Variants in DGKB observed in about 807,000 individuals in gnomAD.
The protein encoded by DGKB is diacylglycerol kinase beta, also known as 90 kDa diacylglycerol kinase.
A neutral mutation model predicts 114.3 loss-of-function variants in DGKB; 67 were observed. That is an observed-to-expected ratio of 0.59 (90% confidence interval 0.48 to 0.72). The LOEUF (loss-of-function observed/expected upper bound fraction) is 0.72. Among genes scored for constraint, DGKB ranks in the 30% least tolerant of loss-of-function variants. DGKB has a pLI of 0.00. For missense variants in DGKB, 907 were observed against 975.2 expected, an observed-to-expected ratio of 0.93 and a Z score of 0.93; for synonymous variants, 398 against 323.1, an observed-to-expected ratio of 1.23 and a Z score of -2.49.
intron 23 of DGKB, among the ~76,000 whole-genome samples, chr7:14,259,194 A>G (rs1336202660): frequency 6.6e-6 from 1 of 152,200 alleles, no homozygotes. Context: ...AAAGGTGAAT[A>G]CAACACAAAG....
rs548404000 is a variant in DGKB at position 14,521,820 on chromosome 7, G to A, written c.1771-43595C>T. On this transcript the variant is annotated intron_variant, in intron 20 of 25. Coordinates refer to ENST00000402815, the MANE Select transcript of DGKB (RefSeq NM_001350709.2). ...ATGAGTCACACGTTCTTATTTCTTT[G>A]CATATCTCATAATTTTCTGTTGAAT... Among the ~76,000 whole-genome samples, 41 of 152,068 alleles carry A rather than the reference G, an allele frequency of 2.7e-4. 1 individual carries two copies. Among genetic ancestry groups the A allele is most frequent in the Admixed American group, 8.5e-4 (13 of 15,264 alleles).
chr7:14,692,572 C>A (rs1280954801), intron 9 of DGKB, among the ~76,000 whole-genome samples: 1 of 151,390 alleles, frequency 6.6e-6, no homozygotes, highest in Non-Finnish European at 1.5e-5. Context: ...TAATATAGAG[C>A]TAAATATGGT....
chr7:14,251,167 T>C lies in DGKB; in HGVS notation c.2123-73016A>G, dbSNP rs538425900. 8.5e-5 allele frequency among the ~76,000 whole-genome samples: 13 copies of C among 152,248 alleles called. No homozygotes were observed. The South Asian group carries it at 2.7e-3, about 32-fold the overall frequency. ...CTAGGACAGGACTTCCCACTGTTAT[T>C]TTGTTGTTTTCTGACTGCTTTGCAT... is the stretch of plus-strand genomic sequence containing the variant. On this transcript the variant is annotated intron_variant, in intron 23 of 25. Coordinates refer to ENST00000402815, the MANE Select transcript of DGKB (RefSeq NM_001350709.2).
chr7:14,639,729 T>C (rs568875371), intron 13 of DGKB, among the ~76,000 whole-genome samples: 2 of 152,348 alleles, frequency 1.3e-5, no homozygotes, highest in African/African-American at 2.4e-5. Context: ...TTTTTCTGCC[T>C]CCCTCCCTTC....
chr7:14,661,103 A>G (rs1239745681), intron 13 of DGKB, among the ~76,000 whole-genome samples: 8 of 152,028 alleles, frequency 5.3e-5, no homozygotes, highest in Admixed American at 5.3e-4. Context: ...CAAAGACCCT[A>G]GAAGAAAACC....
At chr7:14,325,249 T>C (rs1562939805) in intron 23 of DGKB, among the ~76,000 whole-genome samples, 1 of 152,150 alleles carries the variant, frequency 6.6e-6, no homozygotes, top group African/African-American at 2.4e-5. Context: ...AACTGGTTGC[T>C]GAGGTGATGT....
Position 14,613,331 on chromosome 7 carries a change from A to G in DGKB, c.1358+9T>C. The G allele has an allele frequency of 1.3e-6, 2 of 1,546,368 alleles. No homozygotes were observed. Among genetic ancestry groups the G allele is most frequent in the Non-Finnish European group, 1.8e-6 (2 of 1,139,028 alleles). ...TGACATAGACACTAAAATCAATCAA[A>G]AAACATACCGTTCTCCTTGTTTTCC... On this transcript the variant is annotated intron_variant, in intron 16 of 25. Transcript: ENST00000402815.
chr7:14,389,229 A>C (rs1398121784), intron 21 of DGKB, among the ~76,000 whole-genome samples: 1 of 152,144 alleles, frequency 6.6e-6, no homozygotes, highest in Admixed American at 6.5e-5. Context: ...GAATCATGGA[A>C]AATTGCCACT....
chr7:14,474,117 C>A (rs1781819452), intron 21 of DGKB, among the ~76,000 whole-genome samples: 1 of 152,088 alleles, frequency 6.6e-6, no homozygotes, highest in Non-Finnish European at 1.5e-5. Flanking sequence ...TATGGTTTGG[C>A]CATATTCCCA....
intron 9 of DGKB, among the ~76,000 whole-genome samples, chr7:14,692,062 C>CT (rs1822967519): frequency 6.6e-6 from 1 of 151,880 alleles, no homozygotes; most frequent in South Asian, 2.1e-4. Context: ...GTTTAAAATA[C>CT]TTTGAGTTAA....
At chr7:14,818,286 G>A (rs1013953760) in intron 2 of DGKB, among the ~76,000 whole-genome samples, 1 of 152,112 alleles carries the variant, frequency 6.6e-6, no homozygotes, top group Admixed American at 6.6e-5. Context: ...AAATAAAATG[G>A]CTAAGTCAAG....
chr7:14,844,980 G>T (rs575247023), intron 1 of DGKB, among the ~76,000 whole-genome samples: 2 of 151,796 alleles, frequency 1.3e-5, no homozygotes, highest in Non-Finnish European at 2.9e-5. Flanking sequence ...GGTAGCATGT[G>T]CCTGTAGTCC....
At chr7:14,800,898 G>A (rs568847802) in intron 2 of DGKB, among the ~76,000 whole-genome samples, 3 of 152,190 alleles carry the variant, frequency 2.0e-5, no homozygotes, top group South Asian at 2.1e-4. Flanking sequence ...GAGTCACCCC[G>A]CCAGGAAAAG....
At chr7:14,615,313 A>T (rs1806311332) in intron 15 of DGKB, among the ~76,000 whole-genome samples, 1 of 151,966 alleles carries the variant, frequency 6.6e-6, no homozygotes, top group Non-Finnish European at 1.5e-5. Context: ...ATGAGATTAT[A>T]CAAAAATTCA....
rs547124567 is a variant in DGKB, at chr7:14,538,836, G to A, written c.1770+35376C>T. ...GAAATCCTAGCATTTGTGACAACAC[G>A]GATGGACCTGGACATTATACTAAGT... On this transcript the variant is annotated intron_variant, in intron 20 of 25. Coordinates refer to ENST00000402815, the MANE Select transcript of DGKB (RefSeq NM_001350709.2). Among the ~76,000 whole-genome samples, 40 of 152,174 alleles carry A rather than the reference G, an allele frequency of 2.6e-4. No individual in the cohort carries two copies. The East Asian group carries it at 4.5e-3, about 17-fold the overall frequency.
In DGKB at chr7:14,682,746, A is replaced by G. The variant is rs1821050622; in HGVS notation, c.918+7T>C. On this transcript the variant is annotated splice_region_variant and intron_variant, in intron 11 of 25. Transcript: ENST00000402815. ...CCTTCAGAAAGCAAGCATGCACACAAACTTACATCAGTGTTCCTTTTGGAC... is the reference window on the plus strand; with the variant it reads ...CCTTCAGAAAGCAAGCATGCACACAGACTTACATCAGTGTTCCTTTTGGAC... 3 of 1,611,970 alleles carry G rather than the reference A, an allele frequency of 1.9e-6. No homozygotes were observed. The highest frequency in any genetic ancestry group is 4.5e-5 in the East Asian group (2 of 44,856).
At chr7:14,672,040 A>T (rs180980899) in intron 13 of DGKB, among the ~76,000 whole-genome samples, 232 of 152,130 alleles carry the variant, frequency 1.5e-3, no homozygotes, top group African/African-American at 5.1e-3. Flanking sequence ...ATTTTTAATA[A>T]TTTTGTGAAA....
At chr7:14,335,286 C>T (rs1482534597) in intron 23 of DGKB, among the ~76,000 whole-genome samples, 2 of 151,988 alleles carry the variant, frequency 1.3e-5, no homozygotes, top group Admixed American at 1.3e-4. Context: ...AAAGAGTAAA[C>T]TTTAAATTAA....
At chr7:14,824,183 A>C (rs1364806838) in intron 2 of DGKB, among the ~76,000 whole-genome samples, 2 of 152,172 alleles carry the variant, frequency 1.3e-5, no homozygotes, top group Non-Finnish European at 2.9e-5. Context: ...CTCCCAGGAC[A>C]CATGGTAACT....
Sources: gnomAD v4.1 joint callset for allele counts (sites outside exome capture counted in the v4.1 genomes callset) on GRCh38, gnomAD v4.1.1 for gene constraint, MANE v1.5 for transcripts, NCBI Gene and HGNC (gene_info 2026-07-23, HGNC 2026-07-21) for gene names.